Variants in DTX1 observed in about 807,000 individuals in gnomAD.
DTX1 encodes the protein E3 ubiquitin-protein ligase DTX1.
In DTX1, 26 loss-of-function variants were observed where a neutral mutation model predicts 57.8. The observed-to-expected ratio is 0.45, with a 90% confidence interval of 0.33 to 0.62. DTX1 has a LOEUF of 0.62. Ranked by LOEUF, DTX1 falls within the 20% of genes least tolerant of loss-of-function variation. The probability of loss-of-function intolerance (pLI) is 0.02; values close to 1 mark genes in which losing one functional copy is unlikely to be tolerated. For synonymous variants in DTX1, 398 were observed against 394.1 expected (o/e 1.01, Z -0.12); for missense variants, 704 against 895.3 (o/e 0.79, Z 2.73).
intron 2 of DTX1, among the ~76,000 whole-genome samples, chr12:113,062,907 G>A (rs1156524867): frequency 6.6e-6 from 1 of 152,168 alleles, no homozygotes; most frequent in Admixed American, 6.5e-5. Flanking sequence ...AGCCCTCCAG[G>A]TCCAGAGCCC....
chr12:113,095,436 C>T (rs369666602), intron 9 of DTX1, 22 bp downstream of exon 9: 148 of 1,613,842 alleles, frequency 9.2e-5, no homozygotes, highest in Middle Eastern at 1.6e-4. Flanking sequence ...GCCGTGAGGG[C>T]ATGGGAGATA....
chr12:113,094,177 T>C, intron 6 of DTX1, 78 bp downstream of exon 6: 1 of 1,355,268 alleles, frequency 7.4e-7, no homozygotes, highest in Non-Finnish European at 1.0e-6. Flanking sequence ...TCCTGGGTTC[T>C]GGGTGATACA....
chr12:113,073,336 T>G (rs533472853), intron 2 of DTX1, among the ~76,000 whole-genome samples: 6 of 152,040 alleles, frequency 3.9e-5, no homozygotes, highest in African/African-American at 1.4e-4. Flanking sequence ...CTAACTCACC[T>G]CCTCCCGGGC....
chr12:113,091,060 C>T lies in DTX1; in HGVS notation c.942-2102C>T, dbSNP rs557296246. On this transcript the variant is annotated intron_variant, in intron 3 of 9. Transcript: ENST00000548759. ...CGCGCCGGGGGCTTGTAGGGCTGAGCGCATGCTCCTCTGGGTTTGCTGCCC... is the reference window on the plus strand; with the variant it reads ...CGCGCCGGGGGCTTGTAGGGCTGAGTGCATGCTCCTCTGGGTTTGCTGCCC... Among the ~76,000 whole-genome samples the T allele has an allele frequency of 6.4e-4, 98 of 152,308 alleles. 1 individual carries two copies. The highest frequency in any genetic ancestry group is 2.3e-3 in the African/African-American group (95 of 41,568).
At position 113,057,958 on chromosome 12, in the gene DTX1, G is replaced by C; in HGVS notation, c.-235G>C. ...ATAAGAGAGACACTTGCTTTCCAGG[G>C]CAGCACCCTTTATCGGAGAAGGCTC... is the stretch of plus-strand genomic sequence containing the variant. On this transcript the variant is annotated 5_prime_UTR_variant, in exon 2 of 10. Transcript: ENST00000548759. The C allele has an allele frequency of 1.6e-6, 1 of 634,680 alleles. No homozygotes were observed. The highest frequency in any genetic ancestry group is 3.2e-5 in the Admixed American group (1 of 30,982). The allele number at this position is 634,680 out of a possible 1,614,324, so 39.3% of individuals were successfully genotyped here. A position where few individuals can be genotyped will look rare whatever the true frequency, so the allele number is the denominator to read the frequency against.
rs767806383 is a variant in DTX1 at position 113,093,528 on chromosome 12, C to T, written c.1004-11C>T. On this transcript the variant is annotated splice_polypyrimidine_tract_variant and intron_variant, in intron 4 of 9. Transcript: ENST00000548759. This position sits in a 1 kb window ranked among gnomAD's most constrained non-coding sequence, Gnocchi z 4.2. ...GCGCCCCGCCCTGTGACTGCGCCCC[C>T]TAACCCCCAGGGATGACCGGGATAC... is the stretch of plus-strand genomic sequence containing the variant. 2.4e-5 allele frequency: 38 copies of T among 1,594,582 alleles called. No individual in the cohort carries two copies. The South Asian group carries it at 3.8e-4, about 16-fold the overall frequency.
chr12:113,062,895 G>A (rs2044675441), intron 2 of DTX1, among the ~76,000 whole-genome samples: 1 of 152,174 alleles, frequency 6.6e-6, no homozygotes. Flanking sequence ...GGTTCCCTTT[G>A]AAGCCCTCCA....
At chr12:113,081,015 T>G (rs1472966153) in intron 3 of DTX1, among the ~76,000 whole-genome samples, 2 of 152,044 alleles carry the variant, frequency 1.3e-5, no homozygotes, top group Non-Finnish European at 1.5e-5. Flanking sequence ...TTTGCATCAT[T>G]TCTGCATATG....
intron 3 of DTX1, among the ~76,000 whole-genome samples, chr12:113,081,278 G>A (rs553847470): frequency 8.5e-5 from 13 of 152,256 alleles, no homozygotes; most frequent in East Asian, 1.9e-4. Context: ...GCAGTGAGCC[G>A]AGATCACGCC....
intron 2 of DTX1, among the ~76,000 whole-genome samples, chr12:113,069,320 C>A (rs2044724570): frequency 6.6e-6 from 1 of 152,064 alleles, no homozygotes; most frequent in Non-Finnish European, 1.5e-5. Context: ...CCAGAAAGCC[C>A]CCCATACAGC....
In DTX1 at chr12:113,097,783, G is replaced by C. The variant is rs927262714; in HGVS notation, c.*844G>C. 2 of 152,674 alleles carry C rather than the reference G, an allele frequency of 1.3e-5. No homozygotes were observed. Among genetic ancestry groups the C allele is most frequent in the Admixed American group, 1.3e-4 (2 of 15,286 alleles). The allele number at this position is 152,674 out of a possible 1,614,324, so 9.5% of individuals were successfully genotyped here. A position where few individuals can be genotyped will look rare whatever the true frequency, so the allele number is the denominator to read the frequency against. On this transcript the variant is annotated 3_prime_UTR_variant, in exon 10 of 10. Coordinates refer to ENST00000548759, the MANE Select transcript of DTX1 (RefSeq NM_004416.3). ...GAAAGGAGGAGGCCTAGTTTGGGCC[G>C]ATGTATTTTAAAGCAGAGTGGACAG...
At chr12:113,084,029 C>T (rs911260482) in intron 3 of DTX1, among the ~76,000 whole-genome samples, 2 of 152,274 alleles carry the variant, frequency 1.3e-5, no homozygotes, top group African/African-American at 4.8e-5. Flanking sequence ...TCACCTCCAA[C>T]CTCATCTCAG....
intron 3 of DTX1, among the ~76,000 whole-genome samples, chr12:113,079,142 G>A (rs2136060103): frequency 6.6e-6 from 1 of 152,194 alleles, no homozygotes; most frequent in South Asian, 2.1e-4. Context: ...TCAGTCATCT[G>A]AGCAAAGAAC....
rs1323189351 is a variant in DTX1 at position 113,097,305 on chromosome 12, C to A, written c.*366C>A. On this transcript the variant is annotated 3_prime_UTR_variant, in exon 10 of 10. Coordinates refer to ENST00000548759, the MANE Select transcript of DTX1 (RefSeq NM_004416.3). ...AGACAGAAAGACCCCATGACCCCCCCATGTGGATCCCCATCTGTGTCTCAG... is the reference window on the plus strand; with the variant it reads ...AGACAGAAAGACCCCATGACCCCCCAATGTGGATCCCCATCTGTGTCTCAG... 2 of 230,462 alleles carry A rather than the reference C, an allele frequency of 8.7e-6. No individual in the cohort carries two copies. Among genetic ancestry groups the A allele is most frequent in the African/African-American group, 2.3e-5 (1 of 43,920 alleles). The allele number at this position is 230,462 out of a possible 1,614,324, so 14.3% of individuals were successfully genotyped here.
rs1417310990 is a variant in DTX1, at chr12:113,078,041, A to G, written c.877A>G (p.Asn293Asp). The G allele has an allele frequency of 7.5e-7, 1 of 1,337,240 alleles. No homozygotes were observed. The highest frequency in any genetic ancestry group is 1.8e-5 in the South Asian group (1 of 57,120). 82.8% of individuals were successfully genotyped at this position (1,337,240 alleles called of 1,614,324 possible). The change falls in exon 3 of 10, where the codon AAC (asparagine) becomes GAC (aspartate). Residue 293 changes from asparagine (N) to aspartate (D), a missense_variant. This residue lies in a region of DTX1 where 299 missense variants were observed against 311.2 expected (regional missense o/e 0.96). Transcript: ENST00000548759. ...PGGARTPGQN[N>D]LNRPGPQRTT... ...CGGAGCGCGCACCCCGGGGCAGAACAACCTCAACCGGCCCGGGCCCCAGCG... is the reference window on the plus strand; with the variant it reads ...CGGAGCGCGCACCCCGGGGCAGAACGACCTCAACCGGCCCGGGCCCCAGCG...
At position 113,093,437 on chromosome 12, in the gene DTX1, A is replaced by AAC; in HGVS notation, c.1004-102_1004-101insAC. On this transcript the variant is annotated intron_variant, in intron 4 of 9. Transcript: ENST00000548759. This position sits in a 1 kb window ranked among gnomAD's most constrained non-coding sequence, Gnocchi z 4.2. ...TGAGTGGGTGGGGCCCAAGAGCGCA[A>AAC]CCCTCCCACCCACCCGAGGGCCCCG... The AAC allele has an allele frequency of 1.6e-5, 9 of 552,144 alleles. No homozygotes were observed. The highest frequency in any genetic ancestry group is 2.5e-5 in the Non-Finnish European group (8 of 319,670). 34.2% of individuals were successfully genotyped at this position (552,144 alleles called of 1,614,324 possible).
At chr12:113,080,873 G>A (rs1472637234) in intron 3 of DTX1, among the ~76,000 whole-genome samples, 1 of 151,894 alleles carries the variant, frequency 6.6e-6, no homozygotes, top group Non-Finnish European at 1.5e-5. Context: ...TACTCGGAAG[G>A]CTGAGGCAAG....
intron 9 of DTX1, among the ~76,000 whole-genome samples, chr12:113,096,154 G>C (rs1178314171): frequency 2.6e-5 from 4 of 151,688 alleles, no homozygotes; most frequent in Non-Finnish European, 2.9e-5. Context: ...GCACTGAGTC[G>C]AGATCACCCC....
intron 3 of DTX1, 129 bp downstream of exon 3, chr12:113,078,234 AT>A (rs1433411376): frequency 2.6e-6 from 2 of 765,860 alleles, no homozygotes; most frequent in Non-Finnish European, 3.3e-6. Flanking sequence ...AATATCCAGC[AT>A]GCACTAAATG....
Sources: gnomAD v4.1 joint callset for allele counts (sites outside exome capture counted in the v4.1 genomes callset) on GRCh38, gnomAD v4.1.1 for gene constraint, gnomAD v4.1.1 regional missense constraint, Gnocchi (gnomAD v3.1) non-coding constraint, MANE v1.5 for transcripts, NCBI Gene and HGNC (gene_info 2026-07-23, HGNC 2026-07-21) for gene names.